TMEM232: variants seen among roughly 807,000 people sequenced by gnomAD.
TMEM232 encodes transmembrane protein 232.
In TMEM232, 80 loss-of-function variants were observed where a neutral mutation model predicts 78.8. The observed-to-expected ratio is 1.01, with a 90% CI of 0.85 to 1.22. TMEM232 has a LOEUF of 1.22. TMEM232 is among the 50% of genes most tolerant of loss of function. The pLI, the probability that TMEM232 is intolerant of heterozygous loss-of-function variation, is 0.00. For synonymous variants in TMEM232, 297 were observed against 254.3 expected (o/e 1.17, Z -1.60); for missense variants, 881 against 742.2 (o/e 1.19, Z -2.17).
chr5:110,678,103 C>T (rs767844759), intron 1 of TMEM232, among the ~76,000 whole-genome samples: 4 of 152,080 alleles, frequency 2.6e-5, no homozygotes, highest in Non-Finnish European at 5.9e-5. Context: ...CTCACTCTGT[C>T]GCCCAGGCTA....
intron 13 of TMEM232, among the ~76,000 whole-genome samples, chr5:110,422,813 C>A (rs755474670): frequency 6.6e-6 from 1 of 151,952 alleles, no homozygotes; most frequent in African/African-American, 2.4e-5. Context: ...GTGACCATGA[C>A]AACAGATCAA....
At chr5:110,443,576 A>G (rs1360250263) in intron 12 of TMEM232, among the ~76,000 whole-genome samples, 1 of 152,050 alleles carries the variant, frequency 6.6e-6, no homozygotes, top group Non-Finnish European at 1.5e-5. Flanking sequence ...TTGTTACTCT[A>G]CACCACTGTT....
intron 11 of TMEM232, among the ~76,000 whole-genome samples, chr5:110,544,641 T>A (rs1773562590): frequency 6.6e-6 from 1 of 152,182 alleles, no homozygotes; most frequent in South Asian, 2.1e-4. Flanking sequence ...CTTTTTAACA[T>A]GTCTTTACCT....
At chr5:110,714,481 G>A (rs116384374) in intron 1 of TMEM232, among the ~76,000 whole-genome samples, 1,846 of 152,076 alleles carry the variant, frequency 0.012, 45 homozygotes, top group African/African-American at 0.042. Flanking sequence ...CTCAGTTTGG[G>A]GTAAGTTTGT....
intron 10 of TMEM232, among the ~76,000 whole-genome samples, chr5:110,598,229 C>T (rs1455622310): frequency 1.3e-5 from 2 of 149,820 alleles, no homozygotes; most frequent in Admixed American, 1.3e-4. Context: ...CAAAAGAAGA[C>T]ATCTATGCAG....
chr5:110,492,779 TTGA>T (rs1765255080), intron 12 of TMEM232, among the ~76,000 whole-genome samples: 1 of 152,008 alleles, frequency 6.6e-6, no homozygotes. Context: ...TTCTAGAAAA[TTGA>T]TTATATATAA....
At chr5:110,459,655 T>C (rs1161050674) in intron 12 of TMEM232, among the ~76,000 whole-genome samples, 2 of 152,146 alleles carry the variant, frequency 1.3e-5, no homozygotes, top group Non-Finnish European at 2.9e-5. Context: ...GGGTAAACGT[T>C]TAATGGGAAA....
At chr5:110,497,435 A>G (rs1561572463) in intron 12 of TMEM232, among the ~76,000 whole-genome samples, 1 of 152,162 alleles carries the variant, frequency 6.6e-6, no homozygotes, top group African/African-American at 2.4e-5. Flanking sequence ...CAAAGTGAAT[A>G]AGAGAGAATA....
chr5:110,566,916 C>T (rs1015898527), intron 11 of TMEM232, among the ~76,000 whole-genome samples: 2 of 151,886 alleles, frequency 1.3e-5, no homozygotes, highest in African/African-American at 2.4e-5. Flanking sequence ...GTTTAATGGA[C>T]TCACATTTCC....
At chr5:110,471,155 G>T (rs946154188) in intron 12 of TMEM232, among the ~76,000 whole-genome samples, 2 of 152,036 alleles carry the variant, frequency 1.3e-5, no homozygotes, top group Non-Finnish European at 2.9e-5. Context: ...TAAAGCAAAA[G>T]AAAGAATCTC....
intron 2 of TMEM232, among the ~76,000 whole-genome samples, chr5:110,657,709 T>C (rs977057994): frequency 2.0e-5 from 3 of 152,042 alleles, no homozygotes; most frequent in East Asian, 1.9e-4. Context: ...TAAATAACAA[T>C]GTATTGAATA....
At chr5:110,656,322 G>T (rs960218238) in intron 2 of TMEM232, among the ~76,000 whole-genome samples, 3 of 152,164 alleles carry the variant, frequency 2.0e-5, no homozygotes, top group African/African-American at 7.2e-5. Flanking sequence ...ATCTCCACGT[G>T]TGTTGAGTAC....
intron 13 of TMEM232, among the ~76,000 whole-genome samples, chr5:110,423,766 GTTAT>G (rs1756926667): frequency 1.4e-5 from 2 of 146,788 alleles, no homozygotes; most frequent in African/African-American, 5.2e-5. Flanking sequence ...GACCAAAGTA[GTTAT>G]TTATGCGTGC....
chr5:110,668,445 G>A (rs1348897380), intron 1 of TMEM232, among the ~76,000 whole-genome samples: 1 of 152,108 alleles, frequency 6.6e-6, no homozygotes, highest in East Asian at 1.9e-4. Flanking sequence ...CTACTCATTT[G>A]CCAAACCAAA....
intron 12 of TMEM232, among the ~76,000 whole-genome samples, chr5:110,432,591 G>A (rs191666395): frequency 6.6e-6 from 1 of 151,702 alleles, no homozygotes; most frequent in African/African-American, 2.4e-5. Flanking sequence ...CACACAACTA[G>A]CTAACAACAC....
intron 12 of TMEM232, among the ~76,000 whole-genome samples, chr5:110,429,003 G>C (rs1293971164): frequency 6.6e-6 from 1 of 151,840 alleles, no homozygotes. Context: ...TTACATTGAA[G>C]TGAAGAGGAG....
At chr5:110,443,059 C>A (rs770936890) in intron 12 of TMEM232, among the ~76,000 whole-genome samples, 5 of 152,268 alleles carry the variant, frequency 3.3e-5, no homozygotes, top group Admixed American at 6.5e-5. Context: ...GGGTCCCACC[C>A]AAGGCATACT....
At chr5:110,661,169 T>C (rs919235563) in intron 2 of TMEM232, among the ~76,000 whole-genome samples, 4 of 152,228 alleles carry the variant, frequency 2.6e-5, no homozygotes, top group Admixed American at 2.0e-4. Flanking sequence ...CAGAATTTGA[T>C]TCTTTTATGG....
chr5:110,515,555 A>G (rs1352651479), intron 12 of TMEM232, among the ~76,000 whole-genome samples: 2 of 152,230 alleles, frequency 1.3e-5, no homozygotes, highest in African/African-American at 2.4e-5. Flanking sequence ...TACAAACCCA[A>G]TGAATGTCCA....
Sources: gnomAD v4.1 joint callset for allele counts (sites outside exome capture counted in the v4.1 genomes callset) on GRCh38, gnomAD v4.1.1 for gene constraint, MANE v1.5 for transcripts, NCBI Gene and HGNC (gene_info 2026-07-23, HGNC 2026-07-21) for gene names.